Variants in RAP1GAP2 observed in about 807,000 individuals in gnomAD.
RAP1GAP2 encodes rap1 GTPase-activating protein 2.
Under a neutral mutation model 95.0 loss-of-function variants are expected in RAP1GAP2, and 27 were observed. That is an observed-to-expected ratio of 0.28 (90% CI 0.21 to 0.39). The LOEUF (loss-of-function observed/expected upper bound fraction) is 0.39, where lower values mean the gene tolerates loss of function less well. RAP1GAP2 is among the 10% of genes least tolerant of loss of function. The pLI is 1.00. For synonymous variants in RAP1GAP2, 373 were observed against 380.9 expected, an observed-to-expected ratio of 0.98 and a Z score of 0.24; for missense variants, 771 against 970.0, an observed-to-expected ratio of 0.79 and a Z score of 2.72.
At chr17:2,799,177 G>A (rs1424802531) in intron 1 of RAP1GAP2, among the ~76,000 whole-genome samples, 2 of 152,288 alleles carry the variant, frequency 1.3e-5, no homozygotes, top group East Asian at 1.9e-4. Flanking sequence ...AGTCCTGCTC[G>A]GATCTGGGTG....
intron 1 of RAP1GAP2, chr17:2,800,150 C>A: frequency 1.0e-6 from 1 of 984,802 alleles, no homozygotes; most frequent in Non-Finnish European, 1.2e-6. Flanking sequence ...TTGCTGGGTT[C>A]TCTTGCGAGG....
intron 2 of RAP1GAP2, among the ~76,000 whole-genome samples, chr17:2,835,042 C>T (rs2071070596): frequency 6.6e-6 from 1 of 151,866 alleles, no homozygotes; most frequent in African/African-American, 2.4e-5. Context: ...GCCTCAGCCT[C>T]CCAAGTAGCT....
At chr17:2,919,593 G>A (rs1000909617) in intron 3 of RAP1GAP2, among the ~76,000 whole-genome samples, 8 of 152,212 alleles carry the variant, frequency 5.3e-5, no homozygotes, top group Non-Finnish European at 1.0e-4. Flanking sequence ...CCAGGCGGGG[G>A]AGCAGCTGCC....
chr17:2,911,398 G>A (rs2042376842), intron 3 of RAP1GAP2, among the ~76,000 whole-genome samples: 1 of 152,070 alleles, frequency 6.6e-6, no homozygotes, highest in Non-Finnish European at 1.5e-5. Context: ...ACTTGAGGCT[G>A]CGTCTGTGGG....
At chr17:2,923,857 C>T (rs1402127999) in intron 3 of RAP1GAP2, among the ~76,000 whole-genome samples, 1 of 152,214 alleles carries the variant, frequency 6.6e-6, no homozygotes, top group Non-Finnish European at 1.5e-5. Context: ...GACATCTTGG[C>T]ATCATACACA....
chr17:3,026,485 C>T (rs917223797), intron 21 of RAP1GAP2, 21 bp downstream of exon 21: 32 of 1,518,832 alleles, frequency 2.1e-5, no homozygotes, highest in Non-Finnish European at 2.8e-5. Context: ...CCCGTCCACC[C>T]TTGGGCAGGC....
intron 2 of RAP1GAP2, among the ~76,000 whole-genome samples, chr17:2,872,646 C>T (rs947332416): frequency 9.2e-5 from 14 of 151,712 alleles, no homozygotes; most frequent in African/African-American, 2.2e-4. Context: ...TAAGCCACTC[C>T]GTTTTTGATA....
At chr17:2,992,196 G>C (rs1419377084) in intron 12 of RAP1GAP2, among the ~76,000 whole-genome samples, 1 of 140,210 alleles carries the variant, frequency 7.1e-6, no homozygotes, top group Non-Finnish European at 1.5e-5. Flanking sequence ...GGAGTCATGC[G>C]CTTTGCCAGG....
intron 11 of RAP1GAP2, among the ~76,000 whole-genome samples, chr17:2,990,117 C>A (rs1400484923): frequency 6.6e-6 from 1 of 152,204 alleles, no homozygotes; most frequent in African/African-American, 2.4e-5. Context: ...GTGGATAGCC[C>A]ACATTTTGTC....
Position 2,909,183 on chromosome 17 carries a change from G to A in RAP1GAP2, c.165+3815G>A, listed in dbSNP as rs529008816. ...GAGGTTCCTGAGGCGGCACCTCGAGGTGGTGCTGGGGTCTCTGCAGAGGAG... is the reference window on the plus strand; with the variant it reads ...GAGGTTCCTGAGGCGGCACCTCGAGATGGTGCTGGGGTCTCTGCAGAGGAG... On this transcript the variant is annotated intron_variant, in intron 3 of 24. Transcript: ENST00000254695. 1.4e-3 allele frequency among the ~76,000 whole-genome samples: 210 copies of A among 152,260 alleles called. 1 individual carries two copies. The highest frequency in any genetic ancestry group is 2.5e-3 in the Non-Finnish European group (167 of 68,010).
intron 12 of RAP1GAP2, among the ~76,000 whole-genome samples, chr17:2,992,700 G>A (rs2045805557): frequency 2.0e-5 from 3 of 152,178 alleles, no homozygotes; most frequent in Admixed American, 2.0e-4. Context: ...CTGGCACACA[G>A]CGGATATTCA....
intron 2 of RAP1GAP2, among the ~76,000 whole-genome samples, chr17:2,896,487 C>T (rs886463718): frequency 6.6e-6 from 1 of 152,160 alleles, no homozygotes; most frequent in African/African-American, 2.4e-5. Flanking sequence ...ACTCTGTGAC[C>T]CCAGGCTCAC....
rs546014033 is a variant in RAP1GAP2 at position 2,767,993 on chromosome 17, A to G, written c.51-2336A>G. On this transcript the variant is annotated intron_variant, in intron 1 of 25. Coordinates refer to the RAP1GAP2 transcript ENST00000637138. ...GTGATCCATCTGCCTCGGCCTCCCA[A>G]AGTGCTGGGATTACAGGCGTGAGCC... Among the ~76,000 whole-genome samples the G allele has an allele frequency of 3.3e-5, 5 of 152,206 alleles. No homozygotes were observed. In the East Asian group the frequency reaches 9.6e-4, roughly 29 times the overall value.
intron 2 of RAP1GAP2, among the ~76,000 whole-genome samples, chr17:2,814,649 A>C (rs1407713678): frequency 6.6e-6 from 1 of 151,808 alleles, no homozygotes; most frequent in Non-Finnish European, 1.5e-5. Context: ...GGGCTGTCTC[A>C]CTGTTTGTTA....
chr17:3,017,164 C>T (rs1384687617), intron 17 of RAP1GAP2, among the ~76,000 whole-genome samples: 7 of 152,058 alleles, frequency 4.6e-5, no homozygotes, highest in African/African-American at 7.2e-5. Flanking sequence ...TGTGCCTTCC[C>T]GGGTCCATCC....
At chr17:3,031,101 C>T in intron 23 of RAP1GAP2, 103 bp downstream of exon 23, 3 of 1,281,572 alleles carry the variant, frequency 2.3e-6, no homozygotes, top group Non-Finnish European at 3.3e-6. Flanking sequence ...GAGGGGGCTC[C>T]CCGAAGGAGG....
intron 2 of RAP1GAP2, among the ~76,000 whole-genome samples, chr17:2,881,880 G>A (rs1320510246): frequency 6.6e-6 from 1 of 152,142 alleles, no homozygotes; most frequent in African/African-American, 2.4e-5. Context: ...GAGTGCAGTG[G>A]CGCAATCTCG....
In RAP1GAP2 at chr17:2,871,923, A is replaced by G. The variant is rs1032133270; in HGVS notation, c.81-33361A>G. ...TTCACATTCATACCATGGACTAACT[A>G]CTTAAAATAGAATGATGAGGCCAGG... On this transcript the variant is annotated intron_variant, in intron 2 of 24. Coordinates refer to ENST00000254695, the MANE Select transcript of RAP1GAP2 (RefSeq NM_015085.5). This position sits in a 1 kb window ranked among gnomAD's most constrained non-coding sequence, Gnocchi z 5.0. 6.6e-6 allele frequency among the ~76,000 whole-genome samples: 1 copy of G among 152,120 alleles called. No homozygotes were observed. Among genetic ancestry groups the G allele is most frequent in the Non-Finnish European group, 1.5e-5 (1 of 68,024 alleles).
chr17:2,875,938 TTG>T, intron 2 of RAP1GAP2, among the ~76,000 whole-genome samples: 1 of 139,414 alleles, frequency 7.2e-6, no homozygotes, highest in South Asian at 2.7e-4. Context: ...TTTTGTTTGT[TTG>T]TTTGTTTTTT....
Sources: allele counts gnomAD v4.1 joint callset (sites outside exome capture counted in the v4.1 genomes callset), GRCh38; gene constraint gnomAD v4.1.1; non-coding constraint Gnocchi (gnomAD v3.1); transcripts MANE v1.5; gene names NCBI Gene and HGNC (gene_info 2026-07-23, HGNC 2026-07-21).